ZC3HAV1: variants seen among roughly 807,000 people sequenced by gnomAD.
ZC3HAV1 encodes zinc finger CCCH-type antiviral protein 1.
Under a neutral mutation model 86.6 loss-of-function variants are expected in ZC3HAV1, and 41 were observed. That is an observed-to-expected ratio of 0.47 (90% CI 0.37 to 0.61). ZC3HAV1 has a LOEUF of 0.61. Among genes scored for constraint, ZC3HAV1 ranks in the 20% least tolerant of loss-of-function variants. ZC3HAV1 has a pLI of 0.00. For missense variants in ZC3HAV1, 964 were observed against 1,141.1 expected (o/e 0.84, Z 2.24); for synonymous variants, 421 against 432.1 (o/e 0.97, Z 0.32).
intron 1 of ZC3HAV1, among the ~76,000 whole-genome samples, chr7:139,099,244 T>G (rs534501934): frequency 6.6e-6 from 1 of 152,194 alleles, no homozygotes; most frequent in East Asian, 1.9e-4. Flanking sequence ...TGCACCCTTT[T>G]GTGTCACGAT....
intron 9 of ZC3HAV1, among the ~76,000 whole-genome samples, chr7:139,057,455 G>A (rs1289160109): frequency 6.6e-6 from 1 of 151,940 alleles, no homozygotes; most frequent in Non-Finnish European, 1.5e-5. Flanking sequence ...TGTTTAAGTT[G>A]GATGATAGGT....
intron 9 of ZC3HAV1, among the ~76,000 whole-genome samples, chr7:139,057,532 A>T (rs868110371): frequency 0.025 from 1,436 of 56,844 alleles, 278 homozygotes; most frequent in Middle Eastern, 0.14. Flanking sequence ...AAACAATTAC[A>T]TTTTTTTTTT....
rs556864660 is a variant in ZC3HAV1, at chr7:139,067,673, C to T, written c.1873-2674G>A. On this transcript the variant is annotated intron_variant, in intron 7 of 12. Coordinates refer to ENST00000242351, the MANE Select transcript of ZC3HAV1 (RefSeq NM_020119.4). ...TGACTTTACTACTAGGTAATCTATGCATGTAACAAATGTAACAAAATTACA... is the reference window on the plus strand; with the variant it reads ...TGACTTTACTACTAGGTAATCTATGTATGTAACAAATGTAACAAAATTACA... Among the ~76,000 whole-genome samples the T allele has an allele frequency of 3.9e-5, 6 of 152,240 alleles. No homozygotes were observed. The East Asian group carries it at 9.7e-4, about 25-fold the overall frequency.
At chr7:139,102,968 GTATA>G (rs376064797) in intron 1 of ZC3HAV1, among the ~76,000 whole-genome samples, 33,028 of 146,366 alleles carry the variant, frequency 0.23, 3,883 homozygotes, top group East Asian at 0.41. Flanking sequence ...ATATGTATAT[GTATA>G]TGTGTGTGTG....
intron 3 of ZC3HAV1, among the ~76,000 whole-genome samples, chr7:139,083,395 T>C (rs1817182634): frequency 6.6e-6 from 1 of 152,166 alleles, no homozygotes; most frequent in South Asian, 2.1e-4. Context: ...AGAGTGATTA[T>C]GGCAGTTTTT....
chr7:139,101,489 G>C (rs1356052404), intron 1 of ZC3HAV1, among the ~76,000 whole-genome samples: 22 of 107,948 alleles, frequency 2.0e-4, no homozygotes, highest in South Asian at 3.5e-4. Context: ...CCTCAGCCCG[G>C]CCACCACCCC....
At chr7:139,058,890 A>G (rs1816366689) in intron 9 of ZC3HAV1, among the ~76,000 whole-genome samples, 1 of 152,186 alleles carries the variant, frequency 6.6e-6, no homozygotes. Flanking sequence ...GCTTGGCGTC[A>G]AGGTTTACTA....
At chr7:139,065,123 T>C in intron 7 of ZC3HAV1, 124 bp from the exon 8 acceptor site, 2 of 1,304,730 alleles carry the variant, frequency 1.5e-6, no homozygotes, top group Non-Finnish European at 2.1e-6. Context: ...AACCAGATTG[T>C]AAAAGCTTCC....
At chr7:139,054,149 T>C (rs1021362148) in intron 10 of ZC3HAV1, 54 bp from the exon 11 acceptor site, 2 of 1,490,894 alleles carry the variant, frequency 1.3e-6, no homozygotes, top group South Asian at 1.3e-5. Context: ...TAAAGCATGA[T>C]ACATCCACAT....
chr7:139,101,471 G>T (rs1817763351), intron 1 of ZC3HAV1, among the ~76,000 whole-genome samples: 1 of 115,088 alleles, frequency 8.7e-6, no homozygotes, highest in African/African-American at 3.4e-5. Flanking sequence ...TCTGGGATGT[G>T]AGGAGCGCCT....
chr7:139,046,705 G>T lies in ZC3HAV1; in HGVS notation c.*889C>A, dbSNP rs1236728010. The T allele has an allele frequency of 1.3e-5, 2 of 152,178 alleles. No individual in the cohort carries two copies. Among genetic ancestry groups the T allele is most frequent in the Non-Finnish European group, 2.9e-5 (2 of 68,050 alleles). 9.4% of individuals were successfully genotyped at this position (152,178 alleles called of 1,614,324 possible). ...CATCAGAATGATAAGGTACAGTACTGCAGCCATGTCTGCAATAGCACTTCA... is the reference window on the plus strand; with the variant it reads ...CATCAGAATGATAAGGTACAGTACTTCAGCCATGTCTGCAATAGCACTTCA... On this transcript the variant is annotated 3_prime_UTR_variant, in exon 13 of 13. Coordinates refer to ENST00000242351, the MANE Select transcript of ZC3HAV1 (RefSeq NM_020119.4).
rs1817374239 is a variant in ZC3HAV1 at position 139,089,687 on chromosome 7, A to G, written c.381T>C (p.Ser127=). 1 of 1,613,274 alleles carries G rather than the reference A, an allele frequency of 6.2e-7. No individual in the cohort carries two copies. The stretch of plus-strand genomic sequence containing the variant: ...CTGCTAATTCCTCTTTGTTCAGTCC[A>G]GAGAGTTCGTGATTTTTCAGGACTT... The part of the protein sequence containing the change: ...NFKVLKNHEL[S]GLNKEELAVL... The change falls in exon 2 of 13, where the codon TCT becomes TCC. Residue 127 remains serine, a synonymous_variant. Transcript: ENST00000242351.
intron 1 of ZC3HAV1, among the ~76,000 whole-genome samples, chr7:139,097,420 A>ATT (rs1563140627): frequency 2.0e-4 from 16 of 79,166 alleles, no homozygotes; most frequent in Non-Finnish European, 2.8e-4. Context: ...ATATATATAT[A>ATT]TATATATATT....
chr7:139,093,721 T>C (rs1034648702), intron 1 of ZC3HAV1, among the ~76,000 whole-genome samples: 8 of 152,068 alleles, frequency 5.3e-5, no homozygotes, highest in Non-Finnish European at 8.8e-5. Flanking sequence ...TCGCTGACTC[T>C]CTTTCCGGAC....
rs1816551040 is a variant in ZC3HAV1 at position 139,064,859 on chromosome 7, T to G, written c.1993+20A>C. On this transcript the variant is annotated intron_variant, in intron 8 of 12. Transcript: ENST00000242351. The stretch of plus-strand genomic sequence containing the variant: ...GGCGGATTTCAATGACACACAACAC[T>G]GCCAAACACAGAAACCCACCTTGGA... The G allele has an allele frequency of 6.2e-7, 1 of 1,613,938 alleles. No homozygotes were observed. The highest frequency in any genetic ancestry group is 8.5e-7 in the Non-Finnish European group (1 of 1,179,908).
intron 2 of ZC3HAV1, among the ~76,000 whole-genome samples, chr7:139,087,793 C>G (rs1446863267): frequency 1.3e-5 from 2 of 151,998 alleles, no homozygotes; most frequent in Non-Finnish European, 2.9e-5. Context: ...CTTTGAGAGG[C>G]TGAGGCAGGA....
intron 2 of ZC3HAV1, among the ~76,000 whole-genome samples, chr7:139,087,519 C>T (rs530445027): frequency 2.2e-4 from 34 of 152,098 alleles, no homozygotes; most frequent in Middle Eastern, 3.4e-3. Context: ...GAAGAATGCA[C>T]GGGGCTGGAG....
intron 1 of ZC3HAV1, among the ~76,000 whole-genome samples, chr7:139,098,656 G>T (rs1232901863): frequency 6.6e-6 from 1 of 152,096 alleles, no homozygotes; most frequent in East Asian, 1.9e-4. Context: ...AAATAAATAA[G>T]TAAATACAAA....
intron 1 of ZC3HAV1, among the ~76,000 whole-genome samples, chr7:139,106,647 T>C (rs1157041992): frequency 2.0e-5 from 3 of 152,198 alleles, no homozygotes; most frequent in African/African-American, 7.2e-5. Flanking sequence ...ATTATGTCTA[T>C]GTATCCTTTT....
Sources: allele counts gnomAD v4.1 joint callset (sites outside exome capture counted in the v4.1 genomes callset), GRCh38; gene constraint gnomAD v4.1.1; transcripts MANE v1.5; gene names NCBI Gene and HGNC (gene_info 2026-07-23, HGNC 2026-07-21).